Variants in LOXHD1 observed in about 807,000 individuals in gnomAD.
The protein encoded by LOXHD1 is lipoxygenase homology domain-containing protein 1.
A neutral mutation model predicts 248.2 loss-of-function variants in LOXHD1; 205 were observed. That is an observed-to-expected ratio of 0.83 (90% confidence interval 0.74 to 0.93). The LOEUF is 0.93. LOXHD1 is among the 40% of genes least tolerant of loss of function. LOXHD1 has a pLI of 0.00. For synonymous variants in LOXHD1, 1,113 were observed against 1,162.8 expected (o/e 0.96, Z 0.87); for missense variants, 2,930 against 2,971.6 (o/e 0.99, Z 0.33).
In LOXHD1 at chr18:46,489,028, G is replaced by T. The variant is rs538782734; in HGVS notation, c.5993C>A (p.Thr1998Lys). 1 of 1,551,628 alleles carries T rather than the reference G, an allele frequency of 6.4e-7. No individual in the cohort carries two copies. Among genetic ancestry groups the T allele is most frequent in the East Asian group, 2.4e-5 (1 of 40,910 alleles). Reference sequence around the variant, plus strand: ...GTTGGCACAGGCAAAGTCGCGGACCGTCTGCCCGTCACCCTCACTCTTGGA... The same window carrying T: ...GTTGGCACAGGCAAAGTCGCGGACCTTCTGCCCGTCACCCTCACTCTTGGA... ...WLSKSEGDGQ[T>K]VRDFACANNK... Residue 1998 changes from threonine to lysine, a missense_variant, in exon 38 of 41, where the codon ACG (threonine) becomes AAG (lysine). Physicochemically the swap from Thr to Lys is moderately conservative, Grantham distance 78. Transcript: ENST00000642948.
intron 12 of LOXHD1, among the ~76,000 whole-genome samples, chr18:46,587,805 A>G (rs1161486457): frequency 6.6e-6 from 1 of 152,152 alleles, no homozygotes; most frequent in Non-Finnish European, 1.5e-5. Flanking sequence ...ACTGTCATGT[A>G]GCTCCTGAGG....
In LOXHD1 at chr18:46,585,918, C is replaced by T. The variant is rs1393810957; in HGVS notation, c.1654+6015G>A. 4.6e-5 allele frequency among the ~76,000 whole-genome samples: 7 copies of T among 152,300 alleles called. No individual in the cohort carries two copies. The South Asian group carries it at 1.2e-3, about 27-fold the overall frequency. On this transcript the variant is annotated intron_variant, in intron 12 of 40. Coordinates refer to ENST00000642948, the MANE Select transcript of LOXHD1 (RefSeq NM_001384474.1). The stretch of plus-strand genomic sequence containing the variant: ...CAGCAAATTCACTCTTAGGTATATG[C>T]TCAAGAGAACTGAAAATATGTCTGC...
At chr18:46,579,201 G>C (rs1437400487) in intron 13 of LOXHD1, among the ~76,000 whole-genome samples, 1 of 152,216 alleles carries the variant, frequency 6.6e-6, no homozygotes, top group Non-Finnish European at 1.5e-5. Flanking sequence ...AGGTCCTCTA[G>C]TCCACAGTGC....
At chr18:46,478,003 C>G in intron 40 of LOXHD1, 51 bp from the exon 41 acceptor site, 1 of 1,508,264 alleles carries the variant, frequency 6.6e-7, no homozygotes, top group Non-Finnish European at 8.9e-7. Flanking sequence ...AGACCCCAGC[C>G]GAGGCTGCTC....
chr18:46,629,159 C>T (rs2038786072), intron 4 of LOXHD1, among the ~76,000 whole-genome samples: 1 of 152,106 alleles, frequency 6.6e-6, no homozygotes, highest in Non-Finnish European at 1.5e-5. Context: ...TCCAAGAGAC[C>T]CCCTAGTCCA....
In LOXHD1 at chr18:46,485,127, C is replaced by T; in HGVS notation, c.6074G>A (p.Gly2025Asp). Residue 2025 changes from glycine to aspartate, a missense_variant, in exon 39 of 41, where the codon GGC becomes GAC. Gly to Asp is a moderately conservative substitution (Grantham distance 94, BLOSUM62 -1). Coordinates refer to ENST00000642948, the MANE Select transcript of LOXHD1 (RefSeq NM_001384474.1). Reference protein sequence around the residue: ...ETTYEIVIETGNGGETRENVW... With the variant: ...ETTYEIVIETDNGGETRENVW... ...GTTCTCCCTGGTTTCGCCTCCGTTG[C>T]CCGTTTCTATGACGATCTCGTAGGC... 1 of 1,549,402 alleles carries T rather than the reference C, an allele frequency of 6.5e-7. No homozygotes were observed. Among genetic ancestry groups the T allele is most frequent in the East Asian group, 2.4e-5 (1 of 40,856 alleles).
intron 38 of LOXHD1, 99 bp from the exon 39 acceptor site, chr18:46,485,250 CT>C (rs2032956780): frequency 4.2e-6 from 6 of 1,416,136 alleles, no homozygotes; most frequent in Non-Finnish European, 5.7e-6. Context: ...TTCATTTGAT[CT>C]TAGGCTGCAG....
In LOXHD1 at chr18:46,557,555, A is replaced by G; in HGVS notation, c.3217-66T>C. ...CCCTCCCCACATGGCCATCAGCCCCATCCTCCCAAGAACCAGGGCAGCCAG... is the reference window on the plus strand; with the variant it reads ...CCCTCCCCACATGGCCATCAGCCCCGTCCTCCCAAGAACCAGGGCAGCCAG... On this transcript the variant is annotated intron_variant, in intron 20 of 40. Coordinates refer to ENST00000642948, the MANE Select transcript of LOXHD1 (RefSeq NM_001384474.1). 1.9e-6 allele frequency: 3 copies of G among 1,542,620 alleles called. No homozygotes were observed. The East Asian group carries it at 7.3e-5, about 38-fold the overall frequency.
At position 46,524,912 on chromosome 18, in the gene LOXHD1, G is replaced by A. The variant is rs771055914; in HGVS notation, c.4536C>T (p.Asp1512=). Residue 1512 remains aspartate (D), a synonymous_variant, in exon 30 of 41, where the codon GAC becomes GAT. Coordinates refer to ENST00000642948, the MANE Select transcript of LOXHD1 (RefSeq NM_001384474.1). ...RTNKFERGTA[D]TFIIEAADLG... is the part of the protein sequence containing the mutation. ...GGTCAGCGGCCTCGATGATGAAGGT[G>A]TCAGCCTGGGGAGCCCAGATGTGGG... The A allele has an allele frequency of 1.3e-6, 2 of 1,551,564 alleles. No homozygotes were observed. Among genetic ancestry groups the A allele is most frequent in the African/African-American group, 1.4e-5 (1 of 73,058 alleles).
At chr18:46,622,713 T>C (rs1308800645) in intron 4 of LOXHD1, among the ~76,000 whole-genome samples, 1 of 152,236 alleles carries the variant, frequency 6.6e-6, no homozygotes, top group East Asian at 1.9e-4. Flanking sequence ...GAGCATGTCC[T>C]ATGCCCATTG....
At chr18:46,480,133 A>G (rs1430852411) in intron 40 of LOXHD1, among the ~76,000 whole-genome samples, 1 of 152,216 alleles carries the variant, frequency 6.6e-6, no homozygotes, top group Non-Finnish European at 1.5e-5. Context: ...TTCTTTATGC[A>G]TATGCCCACT....
intron 6 of LOXHD1, among the ~76,000 whole-genome samples, chr18:46,604,821 G>T (rs909952551): frequency 6.6e-6 from 1 of 152,180 alleles, no homozygotes; most frequent in South Asian, 2.1e-4. Context: ...ACACCAAAGA[G>T]CTGAGGGGCC....
intron 21 of LOXHD1, among the ~76,000 whole-genome samples, chr18:46,554,033 C>T (rs983605103): frequency 6.6e-6 from 1 of 152,194 alleles, no homozygotes; most frequent in Non-Finnish European, 1.5e-5. Flanking sequence ...CATGCTTTGG[C>T]TTTGACTCTG....
chr18:46,587,474 C>T (rs186980598), intron 12 of LOXHD1, among the ~76,000 whole-genome samples: 1 of 152,306 alleles, frequency 6.6e-6, no homozygotes, highest in African/African-American at 2.4e-5. Context: ...TCTGAGGTCC[C>T]TTTGGTTGGA....
intron 12 of LOXHD1, among the ~76,000 whole-genome samples, chr18:46,584,969 A>G (rs1251505682): frequency 6.6e-6 from 1 of 152,204 alleles, no homozygotes; most frequent in Admixed American, 6.5e-5. Context: ...AAATCACATT[A>G]TTATCTCAAT....
Position 46,593,643 on chromosome 18 carries a change from G to T in LOXHD1, c.1388C>A (p.Pro463His), listed in dbSNP as rs950361221. 1.3e-6 allele frequency: 2 copies of T among 1,552,214 alleles called. No individual in the cohort carries two copies. Among genetic ancestry groups the T allele is most frequent in the Admixed American group, 3.9e-5 (2 of 50,994 alleles). Reference sequence around the variant, plus strand: ...GCCGGGTTTGAACCACTTGTTGTTGGGATTCAGGAGAATCTCATCTGTCCG... The same window carrying T: ...GCCGGGTTTGAACCACTTGTTGTTGTGATTCAGGAGAATCTCATCTGTCCG... ...KGRTDEILLN[P>H]NNKWFKPGII... Residue 463 changes from proline to histidine, a missense_variant, in exon 10 of 41, where the codon CCC (proline) becomes CAC (histidine). Transcript: ENST00000642948.
intron 26 of LOXHD1, among the ~76,000 whole-genome samples, chr18:46,535,088 C>T (rs2036249704): frequency 1.3e-5 from 2 of 152,188 alleles, no homozygotes; most frequent in East Asian, 1.9e-4. Flanking sequence ...TAATTTTCTT[C>T]ATGACAGGCT....
intron 29 of LOXHD1, among the ~76,000 whole-genome samples, chr18:46,528,644 C>T: frequency 6.6e-6 from 1 of 150,496 alleles, no homozygotes; most frequent in Middle Eastern, 3.2e-3. Flanking sequence ...CTCCCAAGGG[C>T]CTTGGAGCCA....
chr18:46,631,538 G>A (rs1326196312), intron 4 of LOXHD1, among the ~76,000 whole-genome samples: 1 of 152,206 alleles, frequency 6.6e-6, no homozygotes, highest in East Asian at 1.9e-4. Context: ...GCCGTCCAGA[G>A]AGGCTGAGGC....
Sources: gnomAD v4.1 joint callset for allele counts (sites outside exome capture counted in the v4.1 genomes callset) on GRCh38, gnomAD v4.1.1 for gene constraint, MANE v1.5 for transcripts, NCBI Gene and HGNC (gene_info 2026-07-23, HGNC 2026-07-21) for gene names.